ZFAND6: variants seen among roughly 807,000 people sequenced by gnomAD.
ZFAND6 encodes the protein AN1-type zinc finger protein 6.
A neutral mutation model predicts 24.5 loss-of-function variants in ZFAND6; 12 were observed. The observed-to-expected ratio is 0.49, with a 90% CI of 0.31 to 0.79. The LOEUF (loss-of-function observed/expected upper bound fraction) is 0.79, where lower values mean the gene tolerates loss of function less well. ZFAND6 is among the 30% of genes least tolerant of loss of function. ZFAND6 has a pLI of 0.04. For synonymous variants in ZFAND6, 92 were observed against 81.5 expected (o/e 1.13, Z -0.69); for missense variants, 207 against 245.9 (o/e 0.84, Z 1.06).
intron 1 of ZFAND6, among the ~76,000 whole-genome samples, chr15:80,094,988 G>T (rs1335811929): frequency 6.6e-6 from 1 of 152,088 alleles, no homozygotes; most frequent in Non-Finnish European, 1.5e-5. Flanking sequence ...GGCCAGGCTG[G>T]TCTCGAGCTC....
intron 2 of ZFAND6, among the ~76,000 whole-genome samples, chr15:80,102,095 C>T (rs571163560): frequency 1.3e-5 from 2 of 152,050 alleles, no homozygotes; most frequent in African/African-American, 4.8e-5. Context: ...CACGCCCGGC[C>T]ATAAAGTGAT....
intron 1 of ZFAND6, among the ~76,000 whole-genome samples, chr15:80,083,398 A>G (rs1028709418): frequency 1.3e-5 from 2 of 152,224 alleles, no homozygotes; most frequent in Non-Finnish European, 2.9e-5. Context: ...TGCTATGCTA[A>G]GAACTTATGA....
intron 1 of ZFAND6, among the ~76,000 whole-genome samples, chr15:80,082,112 T>C (rs1204243539): frequency 6.6e-6 from 1 of 152,164 alleles, no homozygotes; most frequent in Non-Finnish European, 1.5e-5. Context: ...TTCTCATTTT[T>C]CCAGTAAGCC....
At chr15:80,102,093 G>A (rs1412002555) in intron 2 of ZFAND6, among the ~76,000 whole-genome samples, 1 of 151,882 alleles carries the variant, frequency 6.6e-6, no homozygotes, top group Non-Finnish European at 1.5e-5. Flanking sequence ...ACCACGCCCG[G>A]CCATAAAGTG....
intron 1 of ZFAND6, among the ~76,000 whole-genome samples, chr15:80,071,608 G>A (rs990098314): frequency 9.2e-5 from 14 of 152,004 alleles, no homozygotes; most frequent in African/African-American, 3.4e-4. Flanking sequence ...GAGTTCCTGT[G>A]TAGTGTCTCT....
rs955476314 is a variant in ZFAND6 at position 80,096,999 on chromosome 15, A to G, written c.-180-1417A>G. On this transcript the variant is annotated intron_variant, in intron 1 of 6. Coordinates refer to ENST00000261749, the MANE Select transcript of ZFAND6 (RefSeq NM_019006.4). ...TTAAAGTTTAGATATAATGTGTTAG[A>G]TTTTTTTTTTTTTTTTTTGAGACGG... is the stretch of plus-strand genomic sequence containing the variant. Among the ~76,000 whole-genome samples the G allele has an allele frequency of 5.8e-5, 8 of 138,776 alleles. No homozygotes were observed. The South Asian group carries it at 1.6e-3, about 28-fold the overall frequency. 91.0% of individuals were successfully genotyped at this position (138,776 alleles called of 152,430 possible). A position where few individuals can be genotyped will look rare whatever the true frequency, so the allele number is the denominator to read the frequency against.
chr15:80,114,341 A>G (rs1469194666), intron 2 of ZFAND6, among the ~76,000 whole-genome samples: 1 of 152,246 alleles, frequency 6.6e-6, no homozygotes, highest in Non-Finnish European at 1.5e-5. Context: ...GTTTACATAC[A>G]GCATAGTTTC....
chr15:80,126,882 G>A (rs146181104), intron 5 of ZFAND6, among the ~76,000 whole-genome samples: 1,818 of 152,272 alleles, frequency 0.012, 22 homozygotes, highest in Middle Eastern at 0.024. Flanking sequence ...GGAGGCCAAG[G>A]TGGGCAGATC....
Position 80,122,983 on chromosome 15 carries a change from G to A in ZFAND6, c.364+183G>A. 2 of 501,688 alleles carry A rather than the reference G, an allele frequency of 4.0e-6. 1 individual carries two copies. Among genetic ancestry groups the A allele is most frequent in the South Asian group, 6.1e-5 (2 of 32,692 alleles). 31.1% of individuals were successfully genotyped at this position (501,688 alleles called of 1,614,324 possible). On this transcript the variant is annotated intron_variant, in intron 5 of 6. Coordinates refer to ENST00000261749, the MANE Select transcript of ZFAND6 (RefSeq NM_019006.4). The stretch of plus-strand genomic sequence containing the variant: ...TTGGGGAGCCATTTCACACTTACAT[G>A]TAATTTTATCATCAGCATAAATGTT...
At position 80,074,327 on chromosome 15, in the gene ZFAND6, G is replaced by A. The variant is rs146928216; in HGVS notation, c.-181+14518G>A. 9.0e-4 allele frequency among the ~76,000 whole-genome samples: 137 copies of A among 151,960 alleles called. 1 individual carries two copies. The highest frequency in any genetic ancestry group is 1.5e-3 in the Non-Finnish European group (99 of 67,772). ...TTAGTGTATGTGTTGCTATTAGTAA[G>A]TATGGGGCTTAATGTTTTACACTGG... On this transcript the variant is annotated intron_variant, in intron 1 of 6. Coordinates refer to ENST00000261749, the MANE Select transcript of ZFAND6 (RefSeq NM_019006.4).
At chr15:80,066,718 G>A (rs1020519971) in intron 1 of ZFAND6, among the ~76,000 whole-genome samples, 11 of 151,742 alleles carry the variant, frequency 7.2e-5, no homozygotes, top group Non-Finnish European at 1.5e-4. Flanking sequence ...CCAACGTGGC[G>A]AAACCTCATC....
chr15:80,093,233 G>A (rs1405557549), intron 1 of ZFAND6, among the ~76,000 whole-genome samples: 2 of 151,578 alleles, frequency 1.3e-5, no homozygotes, highest in African/African-American at 2.4e-5. Context: ...CCAAAGTACT[G>A]GGATTACTAG....
chr15:80,060,114 G>A (rs1386155537), intron 1 of ZFAND6: 2 of 152,098 alleles, frequency 1.3e-5, no homozygotes, highest in African/African-American at 2.4e-5. Context: ...GGGGTCGGGA[G>A]CCTCAGTTCT....
chr15:80,061,277 G>T (rs1233789334), intron 1 of ZFAND6, among the ~76,000 whole-genome samples: 1 of 151,872 alleles, frequency 6.6e-6, no homozygotes, highest in Non-Finnish European at 1.5e-5. Flanking sequence ...TAACTTTTTG[G>T]GTGTATGCAT....
At chr15:80,107,140 A>AG (rs1240975454) in intron 2 of ZFAND6, among the ~76,000 whole-genome samples, 1 of 152,192 alleles carries the variant, frequency 6.6e-6, no homozygotes, top group Non-Finnish European at 1.5e-5. Flanking sequence ...ACTTGAACCC[A>AG]GGAGGCAAAG....
chr15:80,079,795 C>T (rs1353425848), intron 1 of ZFAND6, among the ~76,000 whole-genome samples: 1 of 150,916 alleles, frequency 6.6e-6, no homozygotes, highest in Non-Finnish European at 1.5e-5. Flanking sequence ...GGACTACAGG[C>T]GCCCGCCACC....
chr15:80,065,648 G>C (rs1362840012), intron 1 of ZFAND6, among the ~76,000 whole-genome samples: 1 of 146,198 alleles, frequency 6.8e-6, no homozygotes, highest in African/African-American at 2.5e-5. Context: ...AGGTTCAAGT[G>C]ATTCTCATGC....
At chr15:80,106,375 AAC>A (rs563164311) in intron 2 of ZFAND6, among the ~76,000 whole-genome samples, 12 of 152,276 alleles carry the variant, frequency 7.9e-5, no homozygotes, top group Non-Finnish European at 1.5e-4. Context: ...GTTTTATTGA[AAC>A]ACAGCCATTC....
At chr15:80,102,370 C>T (rs567258956) in intron 2 of ZFAND6, among the ~76,000 whole-genome samples, 13 of 152,248 alleles carry the variant, frequency 8.5e-5, no homozygotes, top group African/African-American at 2.6e-4. Flanking sequence ...CCCACTCGGC[C>T]TCCCAAAGTG....
Sources: allele counts gnomAD v4.1 joint callset (sites outside exome capture counted in the v4.1 genomes callset), GRCh38; gene constraint gnomAD v4.1.1; transcripts MANE v1.5; gene names NCBI Gene and HGNC (gene_info 2026-07-23, HGNC 2026-07-21).